The following TTLL9 variants were observed in gnomAD, a reference collection of about 807,000 sequenced individuals.
TTLL9 encodes tubulin tyrosine ligase like 9.
In TTLL9, 47 loss-of-function variants were observed where a neutral mutation model predicts 65.6. The ratio of observed to expected loss-of-function variants is 0.72; its 90% confidence interval spans 0.57 to 0.91. The LOEUF is 0.91. Among genes scored for constraint, TTLL9 ranks in the 40% least tolerant of loss-of-function variants. TTLL9 has a pLI of 0.00. For missense variants in TTLL9, 537 were observed against 568.8 expected, an observed-to-expected ratio of 0.94 and a Z score of 0.57; for synonymous variants, 179 against 204.8, an observed-to-expected ratio of 0.87 and a Z score of 1.07.
chr20:31,891,164 A>T (rs1232506673), intron 3 of TTLL9, among the ~76,000 whole-genome samples: 1 of 152,200 alleles, frequency 6.6e-6, no homozygotes, highest in East Asian at 1.9e-4. Flanking sequence ...GTGTTCTACC[A>T]GCAGAGGAGG....
chr20:31,906,658 T>A (rs899940833), intron 4 of TTLL9, among the ~76,000 whole-genome samples: 1 of 152,126 alleles, frequency 6.6e-6, no homozygotes, highest in Non-Finnish European at 1.5e-5. Context: ...ACCTTTTTTT[T>A]CTTTTTTTTG....
chr20:31,890,147 TTCCTTCC>T (rs1600536615), intron 3 of TTLL9, among the ~76,000 whole-genome samples: 12 of 116,262 alleles, frequency 1.0e-4, no homozygotes, highest in Middle Eastern at 7.5e-3. Flanking sequence ...CCTTCCTTCC[TTCCTTCC>T]TTCTTTCTTT....
intron 2 of TTLL9, among the ~76,000 whole-genome samples, chr20:31,872,128 G>C (rs916764026): frequency 6.6e-6 from 1 of 152,048 alleles, no homozygotes; most frequent in Admixed American, 6.5e-5. Flanking sequence ...AAACAAGATA[G>C]GCAAACAAAT....
At position 31,930,968 on chromosome 20, in the gene TTLL9, C is replaced by T. The variant is rs186271886; in HGVS notation, c.749-2832C>T. The stretch of plus-strand genomic sequence containing the variant: ...GGCCCGCTGTCTCCTCCACAGCAGG[C>T]GGGAGCAGTGTGTGAAGTGTGAAGT... On this transcript the variant is annotated intron_variant, in intron 10 of 14. Transcript: ENST00000535842. Among the ~76,000 whole-genome samples, 8 of 151,992 alleles carry T rather than the reference C, an allele frequency of 5.3e-5. No individual in the cohort carries two copies. In the East Asian group the frequency reaches 1.4e-3, roughly 26 times the overall value.
intron 3 of TTLL9, among the ~76,000 whole-genome samples, chr20:31,893,917 C>T (rs759448171): frequency 1.3e-5 from 2 of 152,006 alleles, no homozygotes; most frequent in African/African-American, 2.4e-5. Flanking sequence ...TATTATCTCA[C>T]GAGTCACTGA....
At chr20:31,933,918 G>C in intron 11 of TTLL9, 60 bp downstream of exon 11, 2 of 1,529,650 alleles carry the variant, frequency 1.3e-6, no homozygotes, top group Non-Finnish European at 1.8e-6. Context: ...GTCGGGGTGG[G>C]GAGGGTGGAG....
At chr20:31,907,444 G>A (rs1224482919) in intron 4 of TTLL9, among the ~76,000 whole-genome samples, 1 of 152,182 alleles carries the variant, frequency 6.6e-6, no homozygotes, top group Non-Finnish European at 1.5e-5. Flanking sequence ...ACTGCAGGCC[G>A]GGCACGGTGG....
At chr20:31,923,510 G>A (rs974574452) in intron 8 of TTLL9, among the ~76,000 whole-genome samples, 4 of 152,194 alleles carry the variant, frequency 2.6e-5, no homozygotes, top group Admixed American at 2.6e-4. Flanking sequence ...TGACATGGGG[G>A]CCAGGAGGTG....
intron 3 of TTLL9, among the ~76,000 whole-genome samples, chr20:31,897,063 C>T (rs114989272): frequency 0.029 from 4,478 of 152,262 alleles, 243 homozygotes; most frequent in African/African-American, 0.1. Flanking sequence ...GAAATTCTCC[C>T]TCCTCTTCTA....
At chr20:31,942,137 TG>T (rs1251868626) in intron 14 of TTLL9, among the ~76,000 whole-genome samples, 2 of 152,010 alleles carry the variant, frequency 1.3e-5, no homozygotes, top group Non-Finnish European at 2.9e-5. Context: ...GGACAGGGTT[TG>T]GGGGGATGTG....
At chr20:31,924,657 T>C (rs1352047085) in intron 8 of TTLL9, among the ~76,000 whole-genome samples, 1 of 152,018 alleles carries the variant, frequency 6.6e-6, no homozygotes, top group Non-Finnish European at 1.5e-5. Context: ...CGATCATAGC[T>C]CATGCAGCCT....
chr20:31,894,797 T>C (rs2063359283), intron 3 of TTLL9, among the ~76,000 whole-genome samples: 1 of 151,858 alleles, frequency 6.6e-6, no homozygotes, highest in African/African-American at 2.4e-5. Context: ...GACTAGCAGG[T>C]TTAGGGGCTG....
intron 10 of TTLL9, among the ~76,000 whole-genome samples, chr20:31,932,979 G>T (rs1258439658): frequency 1.3e-5 from 2 of 152,170 alleles, no homozygotes; most frequent in East Asian, 1.9e-4. Context: ...CTGGGCAAAA[G>T]ACTACGTCTC....
intron 4 of TTLL9, among the ~76,000 whole-genome samples, chr20:31,904,648 G>A (rs561995419): frequency 3.3e-5 from 5 of 152,108 alleles, no homozygotes; most frequent in South Asian, 4.2e-4. Flanking sequence ...TTGAGCCACC[G>A]TGCCTGGCCT....
At chr20:31,934,404 A>C in intron 11 of TTLL9, 1 of 589,932 alleles carries the variant, frequency 1.7e-6, no homozygotes, top group Non-Finnish European at 3.2e-6. Flanking sequence ...TGGGATGCAC[A>C]CATGGTCAGT....
chr20:31,931,079 T>C (rs111340554), intron 10 of TTLL9, among the ~76,000 whole-genome samples: 1,393 of 28,284 alleles, frequency 0.049, 25 homozygotes, highest in African/African-American at 0.17. Context: ...CCTCTTTTCC[T>C]TTTTTTTTTT....
At chr20:31,937,255 T>TA (rs892694139) in intron 12 of TTLL9, 141 bp from the exon 13 acceptor site, 749 of 541,684 alleles carry the variant, frequency 1.4e-3, no homozygotes, top group East Asian at 1.7e-3. Flanking sequence ...TAAAAATAAT[T>TA]AAAAAAAAAT....
chr20:31,895,803 G>A (rs1360754028), intron 3 of TTLL9, among the ~76,000 whole-genome samples: 5 of 148,228 alleles, frequency 3.4e-5, no homozygotes, highest in African/African-American at 1.3e-4. Flanking sequence ...GGAACAGTAA[G>A]GTTATTCATG....
chr20:31,934,548 G>A, intron 11 of TTLL9, 144 bp from the exon 12 acceptor site: 2 of 749,786 alleles, frequency 2.7e-6, no homozygotes, highest in Non-Finnish European at 2.2e-6. Context: ...GGCACACCTG[G>A]GGTCATCCTA....
Sources: gnomAD v4.1 joint callset for allele counts (sites outside exome capture counted in the v4.1 genomes callset) on GRCh38, gnomAD v4.1.1 for gene constraint, MANE v1.5 for transcripts, NCBI Gene and HGNC (gene_info 2026-07-23, HGNC 2026-07-21) for gene names.